The following ENKUR variants were observed in gnomAD, a reference collection of about 807,000 sequenced individuals.
ENKUR encodes enkurin, TRPC channel interacting protein.
In ENKUR, 19 loss-of-function variants were observed where a neutral mutation model predicts 27.6. That is an observed-to-expected ratio of 0.69 (90% CI 0.48 to 1.01). The LOEUF is 1.01. Ranked by LOEUF, ENKUR falls within the 50% of genes least tolerant of loss-of-function variation. The pLI, the probability that ENKUR is intolerant of heterozygous loss-of-function variation, is 0.00. For synonymous variants in ENKUR, 117 were observed against 96.9 expected (o/e 1.21, Z -1.22); for missense variants, 312 against 310.5 (o/e 1.00, Z -0.04).
chr10:24,994,335 T>G (rs1348316187), intron 3 of ENKUR, among the ~76,000 whole-genome samples: 1 of 150,460 alleles, frequency 6.6e-6, no homozygotes, highest in Non-Finnish European at 1.5e-5. Context: ...AATTCTGCAC[T>G]CTTTTTTTTT....
intron 2 of ENKUR, among the ~76,000 whole-genome samples, chr10:25,057,013 T>C (rs1214926755): frequency 6.6e-6 from 1 of 152,184 alleles, no homozygotes; most frequent in Non-Finnish European, 1.5e-5. Flanking sequence ...CAGATCAAAG[T>C]CGCTGTCAAA....
intron 1 of ENKUR, among the ~76,000 whole-genome samples, chr10:25,007,821 A>C (rs879068626): frequency 6.6e-6 from 1 of 152,074 alleles, no homozygotes; most frequent in Non-Finnish European, 1.5e-5. Context: ...TCCTTGCTGA[A>C]AAAAATCCTG....
intron 2 of ENKUR, among the ~76,000 whole-genome samples, chr10:25,046,881 C>G (rs1157632482): frequency 1.3e-5 from 2 of 152,108 alleles, no homozygotes; most frequent in Admixed American, 6.6e-5. Flanking sequence ...AAAGTAAGCC[C>G]TCTGTGTTAA....
At chr10:25,013,028 A>G (rs761426532) in intron 1 of ENKUR, among the ~76,000 whole-genome samples, 19 of 152,164 alleles carry the variant, frequency 1.2e-4, no homozygotes, top group Middle Eastern at 3.2e-3. Context: ...ATGATAGTGA[A>G]TAAGTCTCAT....
intron 2 of ENKUR, among the ~76,000 whole-genome samples, chr10:25,026,933 G>A (rs572824676): frequency 4.6e-5 from 7 of 152,022 alleles, no homozygotes; most frequent in African/African-American, 1.7e-4. Flanking sequence ...AGCAGTTATA[G>A]GAAAAAAATG....
intron 2 of ENKUR, chr10:25,026,760 A>G (rs1850863059): frequency 6.5e-6 from 1 of 153,108 alleles, no homozygotes; most frequent in South Asian, 2.1e-4. Context: ...AACAACCTCC[A>G]TAAAGAAATA....
chr10:25,024,202 A>G lies in ENKUR; in HGVS notation c.38-28333T>C, dbSNP rs145829113. 1 of 1,614,068 alleles carries G rather than the reference A, an allele frequency of 6.2e-7. No individual in the cohort carries two copies. The highest frequency in any genetic ancestry group is 2.2e-5 in the East Asian group (1 of 44,896). On this transcript the variant is annotated intron_variant, in intron 2 of 5. Transcript: ENST00000615958. ...TGGGGAAAACTTTGCCTGCTCAAAA[A>G]TTGCTCCTGTCAGGCACCTTTCAGG...
chr10:25,026,163 G>A (rs951012270), intron 2 of ENKUR: 3 of 164,820 alleles, frequency 1.8e-5, no homozygotes, highest in Middle Eastern at 3.4e-3. Context: ...ACAGGCGTGA[G>A]CCTCTGCACC....
intron 3 of ENKUR, among the ~76,000 whole-genome samples, chr10:24,991,655 C>T (rs963588231): frequency 6.6e-6 from 1 of 152,216 alleles, no homozygotes; most frequent in African/African-American, 2.4e-5. Flanking sequence ...GCTCTCCCAT[C>T]TGCTGAAGCT....
intron 2 of ENKUR, among the ~76,000 whole-genome samples, chr10:25,051,385 G>C (rs1397865123): frequency 1.3e-5 from 2 of 152,128 alleles, no homozygotes; most frequent in Non-Finnish European, 2.9e-5. Context: ...CCTGAGACTG[G>C]GTAATTTATA....
chr10:25,047,139 A>T (rs910003837), intron 2 of ENKUR, among the ~76,000 whole-genome samples: 2 of 152,124 alleles, frequency 1.3e-5, no homozygotes, highest in East Asian at 3.9e-4. Flanking sequence ...GAAAAACCCA[A>T]TTTTTCCTCT....
At chr10:25,047,369 T>C (rs951386733) in intron 2 of ENKUR, among the ~76,000 whole-genome samples, 22 of 152,222 alleles carry the variant, frequency 1.4e-4, no homozygotes, top group African/African-American at 4.8e-4. Context: ...AATAATTGAA[T>C]TGTACAGACA....
chr10:24,982,362 C>T lies in ENKUR; in HGVS notation c.*2008G>A, dbSNP rs1849686250. The stretch of plus-strand genomic sequence containing the variant: ...CTCAGTACTATGGGAATGCCAGTTA[C>T]AGTGGGTAGGGAAGAAGCAGCATTT... On this transcript the variant is annotated 3_prime_UTR_variant, in exon 6 of 6. Coordinates refer to ENST00000331161, the MANE Select transcript of ENKUR (RefSeq NM_145010.4). 1 of 152,172 alleles carries T rather than the reference C, an allele frequency of 6.6e-6. No individual in the cohort carries two copies. Among genetic ancestry groups the T allele is most frequent in the Non-Finnish European group, 1.5e-5 (1 of 68,050 alleles). 9.4% of individuals were successfully genotyped at this position (152,172 alleles called of 1,614,324 possible).
chr10:25,013,478 G>A (rs1189860813), intron 1 of ENKUR, among the ~76,000 whole-genome samples: 3 of 152,234 alleles, frequency 2.0e-5, no homozygotes. Flanking sequence ...AGTTGGACAT[G>A]ACTGTCAAAA....
chr10:25,023,257 A>G, intron 2 of ENKUR: 1 of 1,613,174 alleles, frequency 6.2e-7, no homozygotes, highest in Non-Finnish European at 8.5e-7. Context: ...TCATCTGAAA[A>G]AGATAACACA....
At chr10:25,031,612 A>G (rs1216981497) in intron 2 of ENKUR, among the ~76,000 whole-genome samples, 1 of 151,984 alleles carries the variant, frequency 6.6e-6, no homozygotes, top group African/African-American at 2.4e-5. Flanking sequence ...TTTCTTTCCC[A>G]TGTCCCATTT....
chr10:24,988,236 A>ATATATATATATATATATGTG (rs1849822050), intron 4 of ENKUR, among the ~76,000 whole-genome samples: 1 of 143,430 alleles, frequency 7.0e-6, no homozygotes, highest in African/African-American at 2.6e-5. Context: ...AAAAAAATGT[A>ATATATATATATATATATGTG]TATATATATA....
intron 1 of ENKUR, among the ~76,000 whole-genome samples, chr10:25,061,696 G>T (rs953049313): frequency 4.6e-5 from 7 of 152,066 alleles, no homozygotes; most frequent in Non-Finnish European, 1.0e-4. Context: ...CCTACAAGCT[G>T]CCCTTCTCCA....
chr10:24,998,859 TGGGGCCCTAAGCTG>T (rs1265165236), intron 2 of ENKUR, among the ~76,000 whole-genome samples: 1 of 152,182 alleles, frequency 6.6e-6, no homozygotes, highest in African/African-American at 2.4e-5. Context: ...AAAATAAGCA[TGGGGCCCTAAGCTG>T]GTTCTACCAC....
Sources: allele counts gnomAD v4.1 joint callset (sites outside exome capture counted in the v4.1 genomes callset), GRCh38; gene constraint gnomAD v4.1.1; transcripts MANE v1.5; gene names NCBI Gene and HGNC (gene_info 2026-07-23, HGNC 2026-07-21).